MYO5B: variants seen among roughly 807,000 people sequenced by gnomAD.
The protein encoded by MYO5B is unconventional myosin-Vb.
In MYO5B, 143 loss-of-function variants were observed where a neutral mutation model predicts 229.3. That is an observed-to-expected ratio of 0.62 (90% CI 0.54 to 0.72). The LOEUF (loss-of-function observed/expected upper bound fraction) is 0.72. Among genes scored for constraint, MYO5B ranks in the 30% least tolerant of loss-of-function variants. MYO5B has a pLI of 0.00. For missense variants in MYO5B, 2,321 were observed against 2,331.0 expected, an observed-to-expected ratio of 1.00 and a Z score of 0.09; for synonymous variants, 918 against 885.2, an observed-to-expected ratio of 1.04 and a Z score of -0.66.
intron 22 of MYO5B, among the ~76,000 whole-genome samples, chr18:49,881,312 T>C (rs996469266): frequency 1.3e-5 from 2 of 152,162 alleles, no homozygotes; most frequent in Non-Finnish European, 2.9e-5. Flanking sequence ...GCTTTACCTG[T>C]CTTATTGGAC....
rs184004605 is a variant in MYO5B, at chr18:49,835,441, C to T, written c.5314-17G>A. 420 of 1,528,348 alleles carry T rather than the reference C, an allele frequency of 2.7e-4. 2 individuals carry two copies. The highest frequency in any genetic ancestry group is 2.3e-3 in the East Asian group (102 of 44,512). 94.7% of individuals were successfully genotyped at this position (1,528,348 alleles called of 1,614,324 possible). ...TTTGACAATCTGTTGGGGATAAAAA[C>T]GGAATTTAGCACAGAGCTAAATGAA... is the stretch of plus-strand genomic sequence containing the variant. On this transcript the variant is annotated splice_polypyrimidine_tract_variant and intron_variant, in intron 38 of 39. Coordinates refer to ENST00000285039, the MANE Select transcript of MYO5B (RefSeq NM_001080467.3).
chr18:50,183,894 T>A (rs1215506951), intron 1 of MYO5B, among the ~76,000 whole-genome samples: 1 of 152,136 alleles, frequency 6.6e-6, no homozygotes, highest in East Asian at 1.9e-4. Flanking sequence ...CAGTGAGTTG[T>A]TATGACAGGA....
intron 16 of MYO5B, among the ~76,000 whole-genome samples, chr18:49,931,774 C>T (rs993314983): frequency 1.3e-5 from 2 of 152,204 alleles, no homozygotes; most frequent in African/African-American, 4.8e-5. Flanking sequence ...TGCTCACAGG[C>T]TCTCACTGCT....
At chr18:50,013,047 G>A (rs1395498745) in intron 4 of MYO5B, among the ~76,000 whole-genome samples, 1 of 152,194 alleles carries the variant, frequency 6.6e-6, no homozygotes, top group Non-Finnish European at 1.5e-5. Context: ...TTATTCATAA[G>A]TCTCTTTAGT....
At chr18:50,014,202 T>C (rs1314004888) in intron 4 of MYO5B, among the ~76,000 whole-genome samples, 1 of 148,132 alleles carries the variant, frequency 6.8e-6, no homozygotes, top group African/African-American at 2.5e-5. Context: ...AAAAACTGAT[T>C]AAGTAGTAAA....
In MYO5B at chr18:49,912,056, G is replaced by C. The variant is rs768521257; in HGVS notation, c.2202+6C>G. 6.2e-7 allele frequency: 1 copy of C among 1,611,390 alleles called. No homozygotes were observed. The highest frequency in any genetic ancestry group is 8.5e-7 in the Non-Finnish European group (1 of 1,177,498). ...GCCTCTCCTGGAGCTGGGCTGTGTG[G>C]CTCACCTTGATGAGGTTCTCCAGGA... is the stretch of plus-strand genomic sequence containing the variant. On this transcript the variant is annotated splice_donor_region_variant and intron_variant, in intron 18 of 39. Coordinates refer to ENST00000285039, the MANE Select transcript of MYO5B (RefSeq NM_001080467.3).
chr18:50,006,320 T>C (rs1019074318), intron 4 of MYO5B, among the ~76,000 whole-genome samples: 1 of 152,220 alleles, frequency 6.6e-6, no homozygotes, highest in African/African-American at 2.4e-5. Flanking sequence ...GGCTGGCAAC[T>C]TGCATCAATC....
chr18:49,852,077 ACT>A (rs1044531193), intron 31 of MYO5B, among the ~76,000 whole-genome samples: 14 of 152,284 alleles, frequency 9.2e-5, no homozygotes, highest in African/African-American at 2.9e-4. Flanking sequence ...GGCCCACTGC[ACT>A]GTTTTCTTTT....
At chr18:50,177,369 A>G (rs1345931086) in intron 1 of MYO5B, among the ~76,000 whole-genome samples, 2 of 152,200 alleles carry the variant, frequency 1.3e-5, no homozygotes, top group Non-Finnish European at 2.9e-5. Flanking sequence ...TACAATAATC[A>G]AATGCTTTTA....
At chr18:50,046,011 T>C (rs1367982021) in intron 2 of MYO5B, among the ~76,000 whole-genome samples, 1 of 152,130 alleles carries the variant, frequency 6.6e-6, no homozygotes, top group Non-Finnish European at 1.5e-5. Flanking sequence ...CTCCCAAAGA[T>C]TTGGAACTAA....
At chr18:50,012,711 G>A (rs1223585213) in intron 4 of MYO5B, among the ~76,000 whole-genome samples, 1 of 152,218 alleles carries the variant, frequency 6.6e-6, no homozygotes, top group African/African-American at 2.4e-5. Flanking sequence ...CTCAGCATCT[G>A]GGTGCCCCTT....
At chr18:49,901,851 G>T (rs1336104385) in intron 21 of MYO5B, among the ~76,000 whole-genome samples, 5 of 152,166 alleles carry the variant, frequency 3.3e-5, no homozygotes, top group African/African-American at 1.2e-4. Flanking sequence ...CCCTTCCAGT[G>T]TCTTCAATTG....
In MYO5B at chr18:49,904,832, G is replaced by A; in HGVS notation, c.2415-4C>T. 2 of 1,613,450 alleles carry A rather than the reference G, an allele frequency of 1.2e-6. No homozygotes were observed. The highest frequency in any genetic ancestry group is 2.2e-5 in the East Asian group (1 of 44,874). On this transcript the variant is annotated splice_region_variant and splice_polypyrimidine_tract_variant and intron_variant, in intron 19 of 39. Transcript: ENST00000285039. Reference sequence around the variant, plus strand: ...CCTCCGCAGGTGCTCAGCCAGCCTGGGGAGCAAGAGGAAACAGGCAGTGTC... The same window carrying A: ...CCTCCGCAGGTGCTCAGCCAGCCTGAGGAGCAAGAGGAAACAGGCAGTGTC...
At position 50,184,082 on chromosome 18, in the gene MYO5B, G is replaced by C. The variant is rs113347179; in HGVS notation, c.27+10685C>G. 8.3e-3 allele frequency among the ~76,000 whole-genome samples: 1,271 copies of C among 152,276 alleles called. 18 individuals carry two copies. The highest frequency in any genetic ancestry group is 0.029 in the African/African-American group (1,192 of 41,548). On this transcript the variant is annotated intron_variant, in intron 1 of 39. Transcript: ENST00000285039. ...TAAATTACCTAGTCTCGGGTATTCT[G>C]TTGCAGCAACACAAAATGGACTAAG...
rs567645114 is a variant in MYO5B, at chr18:50,124,926, G to A, written c.28-69548C>T. On this transcript the variant is annotated intron_variant, in intron 1 of 39. Coordinates refer to ENST00000285039, the MANE Select transcript of MYO5B (RefSeq NM_001080467.3). ...ACTGGGAGAGGACAGAGGCTGCAAG[G>A]ATCAATAAAGAGACTACAGTATGGA... 2.0e-3 allele frequency among the ~76,000 whole-genome samples: 271 copies of A among 132,274 alleles called. 1 individual carries two copies. Among genetic ancestry groups the A allele is most frequent in the Middle Eastern group, 7.2e-3 (2 of 276 alleles). 86.8% of individuals were successfully genotyped at this position (132,274 alleles called of 152,430 possible). A position where few individuals can be genotyped will look rare whatever the true frequency, so the allele number is the denominator to read the frequency against.
chr18:49,988,315 C>G (rs1418068862), intron 7 of MYO5B, among the ~76,000 whole-genome samples: 1 of 152,162 alleles, frequency 6.6e-6, no homozygotes, highest in East Asian at 1.9e-4. Flanking sequence ...ACCCATGAGG[C>G]CGAGGACAGC....
chr18:50,115,567 C>T (rs1332517210), intron 1 of MYO5B, among the ~76,000 whole-genome samples: 1 of 151,850 alleles, frequency 6.6e-6, no homozygotes, highest in East Asian at 1.9e-4. Flanking sequence ...CACACACACA[C>T]ACACACACAC....
intron 22 of MYO5B, among the ~76,000 whole-genome samples, chr18:49,892,751 A>G (rs1438968298): frequency 6.6e-6 from 1 of 152,258 alleles, no homozygotes; most frequent in Non-Finnish European, 1.5e-5. Context: ...TGAAGATTCT[A>G]AAGAATGTTT....
intron 1 of MYO5B, among the ~76,000 whole-genome samples, chr18:50,076,770 G>C (rs562945637): frequency 6.6e-6 from 1 of 152,284 alleles, no homozygotes; most frequent in South Asian, 2.1e-4. Flanking sequence ...GAAGCTCCCT[G>C]TGTGTGTCTC....
Sources: allele counts gnomAD v4.1 joint callset (sites outside exome capture counted in the v4.1 genomes callset), GRCh38; gene constraint gnomAD v4.1.1; transcripts MANE v1.5; gene names NCBI Gene and HGNC (gene_info 2026-07-23, HGNC 2026-07-21).